Variants in SRGAP1 observed in about 807,000 individuals in gnomAD.
SRGAP1 encodes SLIT-ROBO Rho GTPase-activating protein 1.
SRGAP1 carries 43 observed loss-of-function variants against 121.9 expected under a neutral mutation model. The ratio of observed to expected loss-of-function variants is 0.35; its 90% confidence interval spans 0.28 to 0.46. The LOEUF is 0.46. Among genes scored for constraint, SRGAP1 ranks in the 20% least tolerant of loss-of-function variants. The probability of loss-of-function intolerance (pLI) is 1.00; values close to 1 mark genes in which losing one functional copy is unlikely to be tolerated. For synonymous variants in SRGAP1, 447 were observed against 485.4 expected (o/e 0.92, Z 1.04); for missense variants, 1,102 against 1,350.9 (o/e 0.82, Z 2.89).
In SRGAP1 at chr12:64,142,805, G is replaced by A. The variant is rs1019459683; in HGVS notation, c.*133G>A. On this transcript the variant is annotated 3_prime_UTR_variant, in exon 22 of 22. Transcript: ENST00000355086. ...GATCTTTTGGCTTTTCTATGTTGTCGAATGTAATGTCTGAGACTAGCTAAA... is the reference window on the plus strand; with the variant it reads ...GATCTTTTGGCTTTTCTATGTTGTCAAATGTAATGTCTGAGACTAGCTAAA... 45 of 1,243,522 alleles carry A rather than the reference G, an allele frequency of 3.6e-5. No homozygotes were observed. Among genetic ancestry groups the A allele is most frequent in the Admixed American group, 1.1e-4 (4 of 36,244 alleles). 77.0% of individuals were successfully genotyped at this position (1,243,522 alleles called of 1,614,324 possible). A position where few individuals can be genotyped will look rare whatever the true frequency, so the allele number is the denominator to read the frequency against.
chr12:63,996,711 C>A (rs1391223396), intron 3 of SRGAP1, among the ~76,000 whole-genome samples: 1 of 151,954 alleles, frequency 6.6e-6, no homozygotes, highest in African/African-American at 2.4e-5. Context: ...TGCAGTGTTG[C>A]AGAAGAATTA....
At chr12:64,062,514 TA>T (rs1204461661) in intron 6 of SRGAP1, among the ~76,000 whole-genome samples, 4 of 152,022 alleles carry the variant, frequency 2.6e-5, no homozygotes, top group African/African-American at 9.7e-5. Context: ...TGATAGTGTC[TA>T]TTTTTTTTTT....
intron 18 of SRGAP1, among the ~76,000 whole-genome samples, chr12:64,122,756 G>A (rs2036623753): frequency 6.6e-6 from 1 of 152,076 alleles, no homozygotes; most frequent in South Asian, 2.1e-4. Context: ...AAATTATTGG[G>A]GCATGGTGGC....
At chr12:64,119,940 T>C (rs1367758749) in intron 18 of SRGAP1, among the ~76,000 whole-genome samples, 1 of 151,870 alleles carries the variant, frequency 6.6e-6, no homozygotes. Flanking sequence ...CCAGTTAATT[T>C]TTGTATTTTT....
chr12:63,946,541 CTTTTT>C (rs35628309), intron 1 of SRGAP1, among the ~76,000 whole-genome samples: 3 of 138,560 alleles, frequency 2.2e-5, no homozygotes, highest in East Asian at 2.1e-4. Context: ...CTTTTGTATT[CTTTTT>C]TTTTTTTTTT....
At chr12:64,067,621 A>G (rs1188982590) in intron 8 of SRGAP1, among the ~76,000 whole-genome samples, 3 of 152,228 alleles carry the variant, frequency 2.0e-5, no homozygotes, top group South Asian at 2.1e-4. Context: ...TAAGATTTCA[A>G]TTAGATTTTC....
rs1030698329 is a variant in SRGAP1 at position 64,111,778 on chromosome 12, G to A, written c.1936G>A (p.Asp646Asn). Residue 646 changes from aspartate to asparagine, a missense_variant, in exon 17 of 22, where the codon GAT (aspartate) becomes AAT (asparagine). By Grantham distance (23) the Asp-to-Asn change is conservative (BLOSUM62 1). Around this residue, in one of 3 missense-constraint regions of SRGAP1, gnomAD observed 747 missense variants for 929.4 expected, o/e 0.80. Transcript: ENST00000355086. The part of the protein sequence containing the change: ...AFLNHLSQYS[D>N]ENMMDPYNLA... ...CTTTTGTAGTCTATCACAGTACAGC[G>A]ATGAGAATATGATGGACCCTTATAA... The A allele has an allele frequency of 4.3e-6, 7 of 1,611,278 alleles. No individual in the cohort carries two copies. Among genetic ancestry groups the A allele is most frequent in the African/African-American group, 2.7e-5 (2 of 74,772 alleles).
chr12:63,848,654 C>T (rs988907247), intron 1 of SRGAP1, among the ~76,000 whole-genome samples: 1 of 152,052 alleles, frequency 6.6e-6, no homozygotes, highest in African/African-American at 2.4e-5. Flanking sequence ...AAGTGATTCT[C>T]ATGCCTCAGC....
At chr12:63,855,657 T>C in intron 1 of SRGAP1, among the ~76,000 whole-genome samples, 1 of 151,630 alleles carries the variant, frequency 6.6e-6, no homozygotes, top group East Asian at 2.0e-4. Context: ...CCGGCTGATT[T>C]TTGTATTTTT....
chr12:63,894,776 C>G (rs1900699721), intron 1 of SRGAP1, among the ~76,000 whole-genome samples: 1 of 152,166 alleles, frequency 6.6e-6, no homozygotes, highest in Non-Finnish European at 1.5e-5. Flanking sequence ...CCAGCTTCAT[C>G]CATGTCCCTA....
intron 8 of SRGAP1, among the ~76,000 whole-genome samples, chr12:64,073,156 T>C (rs1033318252): frequency 6.6e-6 from 1 of 152,202 alleles, no homozygotes; most frequent in Non-Finnish European, 1.5e-5. Context: ...TACTGTCTGT[T>C]GCGAGCATCC....
intron 18 of SRGAP1, among the ~76,000 whole-genome samples, chr12:64,125,020 T>C (rs1468280553): frequency 6.6e-6 from 1 of 152,212 alleles, no homozygotes; most frequent in Non-Finnish European, 1.5e-5. Context: ...ATCACATGTA[T>C]AGCTTTGTGT....
At chr12:64,021,502 C>T (rs7305777) in intron 4 of SRGAP1, among the ~76,000 whole-genome samples, 2,550 of 152,206 alleles carry the variant, frequency 0.017, 64 homozygotes, top group African/African-American at 0.058. Flanking sequence ...ATTTGACAGA[C>T]GAGGAAACTA....
rs539229836 is a variant in SRGAP1 at position 64,041,116 on chromosome 12, T to G, written c.490-1674T>G. ...AATAAATTAGATATACATCAAAGGT[T>G]TTTAACACAACTTTATAAAGCAAAT... On this transcript the variant is annotated intron_variant, in intron 4 of 21. Coordinates refer to ENST00000355086, the MANE Select transcript of SRGAP1 (RefSeq NM_020762.4). Among the ~76,000 whole-genome samples the G allele has an allele frequency of 2.0e-5, 3 of 152,208 alleles. No individual in the cohort carries two copies. The South Asian group carries it at 6.2e-4, about 32-fold the overall frequency.
chr12:64,067,791 A>G (rs1404018824), intron 8 of SRGAP1, among the ~76,000 whole-genome samples: 1 of 152,098 alleles, frequency 6.6e-6, no homozygotes, highest in East Asian at 1.9e-4. Flanking sequence ...TTTGAGAGCC[A>G]AGTTAAGGAG....
At position 63,910,865 on chromosome 12, in the gene SRGAP1, G is replaced by T. The variant is rs151165073; in HGVS notation, c.67+65982G>T. 1.9e-3 allele frequency among the ~76,000 whole-genome samples: 293 copies of T among 152,226 alleles called. 1 individual carries two copies. The highest frequency in any genetic ancestry group is 6.7e-3 in the African/African-American group (277 of 41,536). The stretch of plus-strand genomic sequence containing the variant: ...GTCATCCCAGTCTGATCTTAAAAGG[G>T]CCTACCCCAGAGTGGAAGAGATCCT... On this transcript the variant is annotated intron_variant, in intron 1 of 21. Transcript: ENST00000355086.
intron 1 of SRGAP1, among the ~76,000 whole-genome samples, chr12:63,968,153 T>C (rs949081649): frequency 3.9e-5 from 6 of 152,236 alleles, no homozygotes; most frequent in Non-Finnish European, 7.3e-5. Flanking sequence ...TGAGGTCCTA[T>C]ACACTATTAT....
intron 4 of SRGAP1, among the ~76,000 whole-genome samples, chr12:64,042,518 T>G (rs891454099): frequency 2.0e-5 from 3 of 152,168 alleles, no homozygotes; most frequent in African/African-American, 7.2e-5. Flanking sequence ...ACTTTTCAAG[T>G]ACATTGAAAA....
intron 1 of SRGAP1, among the ~76,000 whole-genome samples, chr12:63,861,031 T>C (rs1359356173): frequency 6.6e-6 from 1 of 152,016 alleles, no homozygotes; most frequent in Non-Finnish European, 1.5e-5. Flanking sequence ...CTTTATTTGC[T>C]GAACCTTTTT....
Sources: gnomAD v4.1 joint callset for allele counts (sites outside exome capture counted in the v4.1 genomes callset) on GRCh38, gnomAD v4.1.1 for gene constraint, gnomAD v4.1.1 regional missense constraint, MANE v1.5 for transcripts, NCBI Gene and HGNC (gene_info 2026-07-23, HGNC 2026-07-21) for gene names.